PACRG: variants seen among roughly 807,000 people sequenced by gnomAD.
PACRG encodes parkin coregulated.
PACRG carries 29 observed loss-of-function variants against 29.7 expected under a neutral mutation model. The observed-to-expected ratio is 0.98, with a 90% CI of 0.73 to 1.33. The LOEUF is 1.33. Ranked by LOEUF, PACRG falls within the 40% of genes most tolerant of loss-of-function variation. The pLI is 0.00. For synonymous variants in PACRG, 116 were observed against 118.7 expected (o/e 0.98, Z 0.15); for missense variants, 279 against 316.2 (o/e 0.88, Z 0.89).
At chr6:162,859,913 G>A (rs922772764) in intron 2 of PACRG, among the ~76,000 whole-genome samples, 2 of 152,042 alleles carry the variant, frequency 1.3e-5, no homozygotes, top group African/African-American at 4.8e-5. Context: ...ATTTTTTTAT[G>A]CTTTTCTCTT....
chr6:163,028,619 T>C (rs541462102), intron 2 of PACRG, among the ~76,000 whole-genome samples: 1 of 152,290 alleles, frequency 6.6e-6, no homozygotes, highest in African/African-American at 2.4e-5. Flanking sequence ...AAAACAAATA[T>C]TTAAATATTC....
At chr6:163,241,021 C>T (rs12526502) in intron 4 of PACRG, among the ~76,000 whole-genome samples, 40,964 of 152,188 alleles carry the variant, frequency 0.27, 5,975 homozygotes, top group Middle Eastern at 0.36. Context: ...CAAAAGGCAA[C>T]TCAAGTCTAT....
intron 4 of PACRG, among the ~76,000 whole-genome samples, chr6:163,262,593 G>A (rs1475131675): frequency 6.6e-6 from 1 of 151,578 alleles, no homozygotes; most frequent in African/African-American, 2.4e-5. Flanking sequence ...ATTTGTGGTT[G>A]ATCTCGATGC....
chr6:163,180,997 G>T (rs1291753867), intron 4 of PACRG, among the ~76,000 whole-genome samples: 1 of 152,178 alleles, frequency 6.6e-6, no homozygotes, highest in Non-Finnish European at 1.5e-5. Context: ...CAGAGCCAGG[G>T]TGTGAACCCA....
chr6:163,068,836 T>C (rs561638462), intron 3 of PACRG, among the ~76,000 whole-genome samples: 1 of 152,302 alleles, frequency 6.6e-6, no homozygotes, highest in South Asian at 2.1e-4. Flanking sequence ...CTCTTATCTC[T>C]CTGTGAATAT....
At chr6:162,939,676 CGTGT>C (rs56193057) in intron 2 of PACRG, among the ~76,000 whole-genome samples, 1,783 of 148,802 alleles carry the variant, frequency 0.012, 25 homozygotes, top group African/African-American at 0.036. Context: ...CTGTATTTGA[CGTGT>C]GTGTGTGTGT....
chr6:163,035,132 C>T (rs561915377), intron 2 of PACRG, among the ~76,000 whole-genome samples: 22 of 152,216 alleles, frequency 1.4e-4, no homozygotes, highest in Admixed American at 9.8e-4. Context: ...GGGTTTTAGC[C>T]GGCTTCTTTA....
At chr6:162,795,384 C>T (rs1785291524) in intron 1 of PACRG, among the ~76,000 whole-genome samples, 1 of 152,062 alleles carries the variant, frequency 6.6e-6, no homozygotes, top group South Asian at 2.1e-4. Flanking sequence ...TTTATTCTAC[C>T]TGGATGGCTA....
At chr6:162,727,639 G>A, upstream of PACRG, 1 of 1,583,824 alleles carries the variant, frequency 6.3e-7, no homozygotes, top group Non-Finnish European at 8.6e-7. Flanking sequence ...CAGAGAGGCT[G>A]TACCTGGCAG....
rs1044264803 is a variant in PACRG, at chr6:162,777,381, A to G, written c.157-36766A>G. Among the ~76,000 whole-genome samples the G allele has an allele frequency of 3.3e-5, 5 of 152,258 alleles. No homozygotes were observed. The highest frequency in any genetic ancestry group is 2.6e-4 in the Admixed American group (4 of 15,284). ...GTGGGCACACACTCAGCTTATTGATAACATCCCTCAGACACTGCCATTTCC... is the reference window on the plus strand; with the variant it reads ...GTGGGCACACACTCAGCTTATTGATGACATCCCTCAGACACTGCCATTTCC... On this transcript the variant is annotated intron_variant, in intron 1 of 4. Coordinates refer to ENST00000366888, the MANE Select transcript of PACRG (RefSeq NM_001080379.2). This position sits in a 1 kb window ranked among gnomAD's most constrained non-coding sequence, Gnocchi z 4.0.
intron 4 of PACRG, among the ~76,000 whole-genome samples, chr6:163,146,435 T>A (rs1777807887): frequency 6.6e-6 from 1 of 152,228 alleles, no homozygotes; most frequent in African/African-American, 2.4e-5. Flanking sequence ...GAAACTCCCA[T>A]CTGTCTCCAA....
At chr6:162,807,582 T>C (rs978768732) in intron 1 of PACRG, among the ~76,000 whole-genome samples, 7 of 152,294 alleles carry the variant, frequency 4.6e-5, no homozygotes, top group Admixed American at 3.3e-4. Flanking sequence ...CAAACATTTA[T>C]GGATTAAATT....
At chr6:163,283,700 C>T (rs545304858) in intron 4 of PACRG, among the ~76,000 whole-genome samples, 1 of 151,286 alleles carries the variant, frequency 6.6e-6, no homozygotes, top group East Asian at 2.0e-4. Context: ...ACTCGGGAGG[C>T]TGAGGCAGGA....
intron 2 of PACRG, among the ~76,000 whole-genome samples, chr6:163,038,210 A>G (rs1284343975): frequency 6.6e-6 from 1 of 152,202 alleles, no homozygotes; most frequent in East Asian, 1.9e-4. Flanking sequence ...AACCACTATT[A>G]TGTGGAAAGG....
chr6:163,039,340 A>T (rs757703988), intron 2 of PACRG, among the ~76,000 whole-genome samples: 2 of 152,230 alleles, frequency 1.3e-5, no homozygotes, highest in African/African-American at 2.4e-5. Context: ...TAGTATCTTT[A>T]TAGCAGTGTG....
intron 4 of PACRG, among the ~76,000 whole-genome samples, chr6:163,154,248 G>C (rs1778223148): frequency 6.6e-6 from 1 of 152,222 alleles, no homozygotes. Flanking sequence ...TAGGTGCCTA[G>C]GATGTGGCTA....
intron 4 of PACRG, among the ~76,000 whole-genome samples, chr6:163,220,313 T>C (rs1236190789): frequency 6.6e-6 from 1 of 152,150 alleles, no homozygotes. Flanking sequence ...CATTGTCTAA[T>C]TTATCCAGGG....
At chr6:162,893,044 C>G (rs114048262) in intron 2 of PACRG, among the ~76,000 whole-genome samples, 1,612 of 151,998 alleles carry the variant, frequency 0.011, 27 homozygotes, top group African/African-American at 0.037. Context: ...ACCACGTCAG[C>G]CTCAGGAGCC....
chr6:163,187,948 A>G (rs1780030128), intron 4 of PACRG: 1 of 152,208 alleles, frequency 6.6e-6, no homozygotes, highest in Non-Finnish European at 1.5e-5. Flanking sequence ...GTCAATACCA[A>G]ATAAATTGTC....
Sources: allele counts gnomAD v4.1 joint callset (sites outside exome capture counted in the v4.1 genomes callset), GRCh38; gene constraint gnomAD v4.1.1; non-coding constraint Gnocchi (gnomAD v3.1); transcripts MANE v1.5; gene names NCBI Gene and HGNC (gene_info 2026-07-23, HGNC 2026-07-21).